Variants in ABCD3 observed in about 807,000 individuals in gnomAD.
ABCD3 encodes ATP binding cassette subfamily D member 3.
In ABCD3, 41 loss-of-function variants were observed where a neutral mutation model predicts 105.5. That is an observed-to-expected ratio of 0.39 (90% CI 0.30 to 0.50). The LOEUF (loss-of-function observed/expected upper bound fraction) is 0.50, where lower values mean the gene tolerates loss of function less well. ABCD3 is among the 20% of genes least tolerant of loss of function. ABCD3 has a pLI of 0.84. For synonymous variants in ABCD3, 258 were observed against 269.0 expected, an observed-to-expected ratio of 0.96 and a Z score of 0.40; for missense variants, 622 against 806.3, an observed-to-expected ratio of 0.77 and a Z score of 2.77.
At chr1:94,416,680 G>A (rs1163992833), upstream of ABCD3, among the ~76,000 whole-genome samples, 2 of 152,138 alleles carry the variant, frequency 1.3e-5, no homozygotes, top group African/African-American at 4.8e-5. Context: ...GTAGAAACCA[G>A]AACCTCTATC....
chr1:94,392,964 T>C, the ABCD3 span, among the ~76,000 whole-genome samples: 1 of 151,562 alleles, frequency 6.6e-6, no homozygotes, highest in African/African-American at 2.4e-5. Flanking sequence ...ATACAAAAAT[T>C]AGCTGGTTGT....
Position 94,517,038 on chromosome 1 carries a change from C to G in ABCD3, c.1903-14C>G. On this transcript the variant is annotated splice_polypyrimidine_tract_variant and intron_variant, in intron 22 of 22. Coordinates refer to ENST00000370214, the MANE Select transcript of ABCD3 (RefSeq NM_002858.4). ...TCTTAGTTACTGACTTTTTTTCCCCCTTCTTTCCCATAGTACTACCTGCAT... is the reference window on the plus strand; with the variant it reads ...TCTTAGTTACTGACTTTTTTTCCCCGTTCTTTCCCATAGTACTACCTGCAT... The G allele has an allele frequency of 6.3e-7, 1 of 1,593,316 alleles. No individual in the cohort carries two copies. The highest frequency in any genetic ancestry group is 8.6e-7 in the Non-Finnish European group (1 of 1,161,880).
chr1:94,512,072 T>A (rs1386407211), intron 21 of ABCD3, among the ~76,000 whole-genome samples: 2 of 151,580 alleles, frequency 1.3e-5, no homozygotes, highest in Non-Finnish European at 2.9e-5. Context: ...GGCGCTCTGC[T>A]TTTTAGAGTT....
chr1:94,453,388 G>A (rs569338457), intron 1 of ABCD3, among the ~76,000 whole-genome samples: 22 of 149,012 alleles, frequency 1.5e-4, no homozygotes, highest in Non-Finnish European at 3.1e-4. Context: ...GCGCGATCTC[G>A]GCTCACTGCA....
intron 4 of ABCD3, among the ~76,000 whole-genome samples, chr1:94,469,007 C>T (rs1342086452): frequency 2.6e-5 from 4 of 152,116 alleles, no homozygotes; most frequent in African/African-American, 9.7e-5. Context: ...TAATTTTAAT[C>T]AAAGTAATAT....
chr1:94,417,657 C>T (rs368732535), upstream of ABCD3, among the ~76,000 whole-genome samples: 11 of 152,376 alleles, frequency 7.2e-5, no homozygotes, highest in Admixed American at 3.3e-4. Flanking sequence ...ATACATTTTA[C>T]ATCGCCGCTG....
In ABCD3 at chr1:94,475,702, A is replaced by T. The variant is rs766893314; in HGVS notation, c.592A>T (p.Asn198Tyr). Residue 198 changes from asparagine to tyrosine, a missense_variant, in exon 7 of 23, where the codon AAC becomes TAC. By Grantham distance (143) the Asn-to-Tyr change is moderately radical. Transcript: ENST00000370214. ...LLTQDVEKFC[N>Y]SVVDLYSNLS... is the part of the protein sequence containing the mutation. ...TACACAAGATGTAGAAAAATTTTGT[A>T]ACAGTGTAGTCGATCTGTATTCAAA... The T allele has an allele frequency of 7.5e-6, 12 of 1,607,518 alleles. No individual in the cohort carries two copies. Among genetic ancestry groups the T allele is most frequent in the Non-Finnish European group, 1.0e-5 (12 of 1,174,372 alleles).
intron 1 of ABCD3, among the ~76,000 whole-genome samples, chr1:94,437,481 G>C (rs1026496723): frequency 1.3e-5 from 2 of 152,162 alleles, no homozygotes; most frequent in African/African-American, 4.8e-5. Context: ...ATCATTTATT[G>C]AATATTTTAA....
rs975229671 is a variant in ABCD3, at chr1:94,518,022, A to G, written c.*893A>G. The G allele has an allele frequency of 1.3e-5, 2 of 151,924 alleles. No individual in the cohort carries two copies. The highest frequency in any genetic ancestry group is 2.9e-5 in the Non-Finnish European group (2 of 67,842). 9.4% of individuals were successfully genotyped at this position (151,924 alleles called of 1,614,324 possible). A position where few individuals can be genotyped will look rare whatever the true frequency, so the allele number is the denominator to read the frequency against. ...GAGCCATAGGAAGGCACTACATGAA[A>G]TAATGCACTGAGTATGCAATGCTAT... On this transcript the variant is annotated 3_prime_UTR_variant, in exon 23 of 23. Transcript: ENST00000370214.
intron 13 of ABCD3, among the ~76,000 whole-genome samples, 183 bp from the exon 14 acceptor site, chr1:94,489,542 T>G (rs1341164322): frequency 6.6e-6 from 1 of 151,084 alleles, no homozygotes; most frequent in Non-Finnish European, 1.5e-5. Context: ...CATCCCTATA[T>G]TCCTGCTCTC....
chr1:94,486,207 T>C lies in ABCD3; in HGVS notation c.898-1335T>C, dbSNP rs185823457. On this transcript the variant is annotated intron_variant, in intron 10 of 22. Transcript: ENST00000370214. ...ACTCTGTCTCAAAAAGTAAATAAAG[T>C]GTATGGGATGTCGTACTCAGGTATA... Among the ~76,000 whole-genome samples, 43 of 152,018 alleles carry C rather than the reference T, an allele frequency of 2.8e-4. No homozygotes were observed. In the East Asian group the frequency reaches 7.0e-3, roughly 25 times the overall value.
At chr1:94,461,924 A>T (rs542730609) in intron 2 of ABCD3, among the ~76,000 whole-genome samples, 1 of 152,302 alleles carries the variant, frequency 6.6e-6, no homozygotes, top group Admixed American at 6.5e-5. Context: ...TTTTCCCTAC[A>T]ATGTATAGGA....
At chr1:94,429,018 A>G (rs1659575611) in intron 1 of ABCD3, among the ~76,000 whole-genome samples, 1 of 152,332 alleles carries the variant, frequency 6.6e-6, no homozygotes, top group East Asian at 1.9e-4. Flanking sequence ...TGATAGTGAT[A>G]TGAGCAATAA....
At chr1:94,428,433 C>CAACAT (rs1659551563) in intron 1 of ABCD3, among the ~76,000 whole-genome samples, 1 of 152,146 alleles carries the variant, frequency 6.6e-6, no homozygotes, top group African/African-American at 2.4e-5. Context: ...ATAATTTAGT[C>CAACAT]AACATGTTAT....
chr1:94,499,567 C>G lies in ABCD3; in HGVS notation c.1693C>G (p.Gln565Glu). 6.2e-7 allele frequency: 1 copy of G among 1,613,722 alleles called. No individual in the cohort carries two copies. The change falls in exon 20 of 23, where the codon CAG becomes GAG. Residue 565 changes from glutamine to glutamate, a missense_variant. Gln to Glu is a conservative substitution (Grantham distance 29, BLOSUM62 2). Around this residue, in one of 4 missense-constraint regions of ABCD3, gnomAD observed 285 missense variants for 352.5 expected, o/e 0.81. Transcript: ENST00000370214. ...LEREGGWDSV[Q>E]DWMDVLSGGE... The stretch of plus-strand genomic sequence containing the variant: ...ACGTGAAGGAGGCTGGGACAGTGTT[C>G]AGGATTGGATGGACGTACTCAGTGG...
intron 1 of ABCD3, among the ~76,000 whole-genome samples, chr1:94,428,173 C>T (rs1408282781): frequency 2.0e-5 from 3 of 150,828 alleles, no homozygotes; most frequent in Non-Finnish European, 4.4e-5. Flanking sequence ...ATTAGCAGGC[C>T]CGAGTGAATG....
the ABCD3 span, among the ~76,000 whole-genome samples, chr1:94,398,972 G>C: frequency 6.6e-6 from 1 of 151,746 alleles, no homozygotes; most frequent in African/African-American, 2.4e-5. Flanking sequence ...TCACTCTTTA[G>C]TAGTATGTAG....
At chr1:94,416,995 A>G (rs1659043657), upstream of ABCD3, among the ~76,000 whole-genome samples, 1 of 152,230 alleles carries the variant, frequency 6.6e-6, no homozygotes, top group Non-Finnish European at 1.5e-5. Flanking sequence ...AAAAATGGAC[A>G]ATTTTCCAAG....
chr1:94,455,005 ATAAAT>A (rs1353157765), intron 1 of ABCD3, among the ~76,000 whole-genome samples: 4 of 152,212 alleles, frequency 2.6e-5, no homozygotes, highest in African/African-American at 9.6e-5. Context: ...TAAATTAAAA[ATAAAT>A]TAATATAAGC....
Sources: gnomAD v4.1 joint callset for allele counts (sites outside exome capture counted in the v4.1 genomes callset) on GRCh38, gnomAD v4.1.1 for gene constraint, gnomAD v4.1.1 regional missense constraint, MANE v1.5 for transcripts, NCBI Gene and HGNC (gene_info 2026-07-23, HGNC 2026-07-21) for gene names.